The following NDRG4 variants were observed in gnomAD, a reference collection of about 807,000 sequenced individuals.
NDRG4 encodes protein NDRG4.
In NDRG4, 38 loss-of-function variants were observed where a neutral mutation model predicts 55.8. The ratio of observed to expected loss-of-function variants is 0.68; its 90% CI spans 0.53 to 0.89. The LOEUF (loss-of-function observed/expected upper bound fraction) is 0.89. NDRG4 is among the 40% of genes least tolerant of loss of function. The pLI, the probability that NDRG4 is intolerant of heterozygous loss-of-function variation, is 0.00. For missense variants in NDRG4, 455 were observed against 468.6 expected (o/e 0.97, Z 0.27); for synonymous variants, 190 against 182.7 (o/e 1.04, Z -0.32).
At chr16:58,485,493 C>T (rs2034985577) in intron 1 of NDRG4, among the ~76,000 whole-genome samples, 1 of 152,096 alleles carries the variant, frequency 6.6e-6, no homozygotes. Context: ...TACCCCAGGG[C>T]TACTAAGGGG....
chr16:58,500,318 T>G, intron 1 of NDRG4, 49 bp downstream of exon 1: 1 of 1,531,686 alleles, frequency 6.5e-7, no homozygotes, highest in Non-Finnish European at 8.7e-7. Flanking sequence ...GGATGGTGCA[T>G]CCTTATGACC....
downstream of NDRG4, chr16:58,515,380 G>C (rs545515796): frequency 2.6e-5 from 20 of 763,628 alleles, no homozygotes; most frequent in Middle Eastern, 3.9e-4. Flanking sequence ...GACTCAAGAT[G>C]TTTTCATGAG....
At chr16:58,474,846 G>A (rs868462570) in intron 1 of NDRG4, among the ~76,000 whole-genome samples, 12 of 152,226 alleles carry the variant, frequency 7.9e-5, no homozygotes, top group South Asian at 4.1e-4. Context: ...ACCCAGTGCT[G>A]TTAGGAGAAA....
At position 58,473,321 on chromosome 16, in the gene NDRG4, C is replaced by T. The variant is rs191795610; in HGVS notation, c.-24+9524C>T. The stretch of plus-strand genomic sequence containing the variant: ...CTGAGAACACAGGCATATATCACCA[C>T]ACCCAGCTGACTTTTAAATTTTTGT... On this transcript the variant is annotated intron_variant, in intron 1 of 15. Coordinates refer to the NDRG4 transcript ENST00000258187. Among the ~76,000 whole-genome samples the T allele has an allele frequency of 3.4e-4, 51 of 152,220 alleles. No homozygotes were observed. In the East Asian group the frequency reaches 6.0e-3, roughly 18 times the overall value.
rs1450793207 is a variant in NDRG4, at chr16:58,502,043, G to A, written c.22-1755G>A. The A allele has an allele frequency of 2.2e-5, 10 of 455,906 alleles. No homozygotes were observed. The East Asian group carries it at 5.6e-4, about 25-fold the overall frequency. The allele number at this position is 455,906 out of a possible 1,614,324, so 28.2% of individuals were successfully genotyped here. A position where few individuals can be genotyped will look rare whatever the true frequency, so the allele number is the denominator to read the frequency against. The stretch of plus-strand genomic sequence containing the variant: ...GCTGCCTGGTCAGGAGCTCCCTCGG[G>A]TGGAACCTGATCTCCTGTGAACATG... On this transcript the variant is annotated intron_variant, in intron 1 of 14. Transcript: ENST00000570248.
At chr16:58,509,248 C>T in intron 12 of NDRG4, 53 bp from the exon 13 acceptor site, 2 of 1,613,734 alleles carry the variant, frequency 1.2e-6, no homozygotes, top group East Asian at 2.2e-5. Context: ...CTCTACCCTA[C>T]CTGCTAATCC....
rs772368787 is a variant in NDRG4 at position 58,464,582 on chromosome 16, A to C, written c.-24+785A>C. Reference sequence around the variant, plus strand: ...CTGAGCAGGAAGGGGTGCGGACCCCAACTAAGTCCTAGTTTTGTGCTACCT... The same window carrying C: ...CTGAGCAGGAAGGGGTGCGGACCCCCACTAAGTCCTAGTTTTGTGCTACCT... On this transcript the variant is annotated intron_variant, in intron 1 of 15. Transcript: ENST00000258187. This position sits in a 1 kb window ranked among gnomAD's most constrained non-coding sequence, Gnocchi z 4.8. 9.2e-4 allele frequency: 950 copies of C among 1,033,954 alleles called. 2 individuals are homozygous for C. Among genetic ancestry groups the C allele is most frequent in the Non-Finnish European group, 1.1e-3 (893 of 790,614 alleles). The allele number at this position is 1,033,954 out of a possible 1,614,324, so 64.0% of individuals were successfully genotyped here.
At chr16:58,508,198 G>A (rs540561089) in intron 10 of NDRG4, among the ~76,000 whole-genome samples, 199 bp downstream of exon 10, 26 of 152,202 alleles carry the variant, frequency 1.7e-4, no homozygotes, top group Non-Finnish European at 2.8e-4. Context: ...TGGCTGGGGA[G>A]GCCTGGAAAT....
intron 1 of NDRG4, among the ~76,000 whole-genome samples, chr16:58,466,206 G>T (rs1307196443): frequency 6.6e-6 from 1 of 152,190 alleles, no homozygotes; most frequent in Admixed American, 6.5e-5. Flanking sequence ...TAGTAGAGAT[G>T]GGTTTCGCCA....
chr16:58,513,387 T>C lies in NDRG4; in HGVS notation c.*1811T>C, dbSNP rs923560058. 4 of 152,222 alleles carry C rather than the reference T, an allele frequency of 2.6e-5. No homozygotes were observed. The highest frequency in any genetic ancestry group is 9.6e-5 in the African/African-American group (4 of 41,460). 9.4% of individuals were successfully genotyped at this position (152,222 alleles called of 1,614,324 possible). A position where few individuals can be genotyped will look rare whatever the true frequency, so the allele number is the denominator to read the frequency against. Reference sequence around the variant, plus strand: ...TCAACGTAGAAAGAGTTAACTGTGCTGAAAAACTAATAAAGAACCTAAGAA... The same window carrying C: ...TCAACGTAGAAAGAGTTAACTGTGCCGAAAAACTAATAAAGAACCTAAGAA... On this transcript the variant is annotated 3_prime_UTR_variant, in exon 15 of 15. Transcript: ENST00000570248.
intron 1 of NDRG4, among the ~76,000 whole-genome samples, chr16:58,486,236 C>T (rs1878175675): frequency 6.6e-6 from 1 of 152,098 alleles, no homozygotes; most frequent in South Asian, 2.1e-4. Context: ...ATCATAGCTC[C>T]CTGTAGCCTT....
chr16:58,466,254 GA>G (rs2031658414), intron 1 of NDRG4, among the ~76,000 whole-genome samples: 1 of 152,214 alleles, frequency 6.6e-6, no homozygotes, highest in Non-Finnish European at 1.5e-5. Context: ...GACCTCAAGT[GA>G]TCCACCTGCC....
chr16:58,496,130 C>A (rs879510042), upstream of NDRG4, among the ~76,000 whole-genome samples: 22 of 152,060 alleles, frequency 1.4e-4, no homozygotes, highest in Admixed American at 2.6e-4. Context: ...TGTGGGAGGC[C>A]GACGCCAACA....
intron 2 of NDRG4, among the ~76,000 whole-genome samples, chr16:58,493,381 G>T (rs1413184077): frequency 6.6e-6 from 1 of 152,198 alleles, no homozygotes; most frequent in Non-Finnish European, 1.5e-5. Context: ...TGATTCTCCT[G>T]CCTCAGCCTC....
chr16:58,482,239 T>C (rs1459101236), intron 1 of NDRG4, among the ~76,000 whole-genome samples: 1 of 152,176 alleles, frequency 6.6e-6, no homozygotes, highest in African/African-American at 2.4e-5. Context: ...GAGTGTGGCA[T>C]ACTCAAGGCA....
rs2036236805 is a variant in NDRG4, at chr16:58,495,005, G to A, written c.114G>A (p.Trp38Ter). The change falls in exon 3 of 16, where the codon TGG becomes TGA. Residue 38 changes from tryptophan (W) to a stop codon, truncating the protein, a stop_gained. Transcript: ENST00000258187. LOFTEE classifies it high-confidence loss of function. ...TCCTCTTGGCTGCAGACACAGACTGGAAGGTAGGTCAAGGCTCAGACCCCC... is the reference window on the plus strand; with the variant it reads ...TCCTCTTGGCTGCAGACACAGACTGAAAGGTAGGTCAAGGCTCAGACCCCC... 1 of 1,613,318 alleles carries A rather than the reference G, an allele frequency of 6.2e-7. No individual in the cohort carries two copies. Among genetic ancestry groups the A allele is most frequent in the East Asian group, 2.2e-5 (1 of 44,872 alleles).
At chr16:58,501,825 C>A in intron 1 of NDRG4, 1 of 368,508 alleles carries the variant, frequency 2.7e-6, no homozygotes, top group Admixed American at 3.1e-5. Flanking sequence ...TCCTCAGCAG[C>A]AGAGAGCAGA....
At chr16:58,496,024 G>A (rs545246812), upstream of NDRG4, among the ~76,000 whole-genome samples, 199 of 152,284 alleles carry the variant, frequency 1.3e-3, no homozygotes, top group Non-Finnish European at 2.3e-3. Flanking sequence ...CTGCAAATGA[G>A]GATGAGCTAT....
At chr16:58,467,919 G>C (rs374030522) in intron 1 of NDRG4, among the ~76,000 whole-genome samples, 1 of 152,194 alleles carries the variant, frequency 6.6e-6, no homozygotes, top group African/African-American at 2.4e-5. Context: ...TCCTCCCACT[G>C]TGCTCCAGTT....
Sources: allele counts gnomAD v4.1 joint callset (sites outside exome capture counted in the v4.1 genomes callset), GRCh38; gene constraint gnomAD v4.1.1; non-coding constraint Gnocchi (gnomAD v3.1); transcripts MANE v1.5; gene names NCBI Gene and HGNC (gene_info 2026-07-23, HGNC 2026-07-21).